Variants in PLCE1 observed in about 807,000 individuals in gnomAD.
PLCE1 encodes the protein 1-phosphatidylinositol 4,5-bisphosphate phosphodiesterase epsilon-1.
Under a neutral mutation model 242.8 loss-of-function variants are expected in PLCE1, and 119 were observed. The ratio of observed to expected loss-of-function variants is 0.49; its 90% CI spans 0.42 to 0.57. The LOEUF is 0.57. Among genes scored for constraint, PLCE1 ranks in the 20% least tolerant of loss-of-function variants. The probability of loss-of-function intolerance (pLI) is 0.00; values close to 1 mark genes in which losing one functional copy is unlikely to be tolerated. For synonymous variants in PLCE1, 945 were observed against 1,017.4 expected, an observed-to-expected ratio of 0.93 and a Z score of 1.35; for missense variants, 2,441 against 2,788.8, an observed-to-expected ratio of 0.88 and a Z score of 2.81.
intron 27 of PLCE1, among the ~76,000 whole-genome samples, chr10:94,312,868 G>C (rs1442489564): frequency 6.6e-6 from 1 of 152,182 alleles, no homozygotes; most frequent in African/African-American, 2.4e-5. Flanking sequence ...GTGCCTGAAT[G>C]ATGTACTCTC....
intron 2 of PLCE1, among the ~76,000 whole-genome samples, chr10:94,033,209 G>A (rs1052412845): frequency 3.3e-5 from 5 of 151,986 alleles, no homozygotes; most frequent in Non-Finnish European, 4.4e-5. Flanking sequence ...CTGAGCTATT[G>A]AGGGATAATT....
At chr10:94,264,059 A>G (rs2051413414) in intron 14 of PLCE1, among the ~76,000 whole-genome samples, 2 of 152,214 alleles carry the variant, frequency 1.3e-5, no homozygotes, top group African/African-American at 2.4e-5. Context: ...CTGGTCCTCA[A>G]TGCAGCTTAC....
chr10:94,330,286 G>A lies in PLCE1; in HGVS notation c.*2343G>A, dbSNP rs1243524477. ...TGAGAGAATCCAGCCTACTGCCTAG[G>A]TTGCATCCCAATTTAGTTGTTTATC... On this transcript the variant is annotated 3_prime_UTR_variant, in exon 33 of 33. Coordinates refer to ENST00000371380, the MANE Select transcript of PLCE1 (RefSeq NM_016341.4). The A allele has an allele frequency of 1.3e-5, 2 of 152,178 alleles. No individual in the cohort carries two copies. The highest frequency in any genetic ancestry group is 3.9e-4 in the East Asian group (2 of 5,192). 9.4% of individuals were successfully genotyped at this position (152,178 alleles called of 1,614,324 possible). A position where few individuals can be genotyped will look rare whatever the true frequency, so the allele number is the denominator to read the frequency against.
At chr10:94,128,954 A>G (rs1452896637) in intron 2 of PLCE1, among the ~76,000 whole-genome samples, 1 of 152,198 alleles carries the variant, frequency 6.6e-6, no homozygotes, top group Non-Finnish European at 1.5e-5. Context: ...TATTCAGGAG[A>G]TGCTGGAACT....
At chr10:94,288,030 A>G (rs2052520717) in intron 22 of PLCE1, among the ~76,000 whole-genome samples, 1 of 152,074 alleles carries the variant, frequency 6.6e-6, no homozygotes, top group African/African-American at 2.4e-5. Context: ...GGTACCTCCT[A>G]GATACCCAGT....
At chr10:94,120,340 GGTT>G (rs2046263429) in intron 2 of PLCE1, among the ~76,000 whole-genome samples, 1 of 152,128 alleles carries the variant, frequency 6.6e-6, no homozygotes, top group Non-Finnish European at 1.5e-5. Flanking sequence ...GGTCTGTACT[GGTT>G]GTCTTAAACA....
At chr10:94,068,349 C>T (rs1468605507) in intron 2 of PLCE1, among the ~76,000 whole-genome samples, 1 of 152,048 alleles carries the variant, frequency 6.6e-6, no homozygotes, top group Non-Finnish European at 1.5e-5. Context: ...TATGCATCCT[C>T]GGATTCAAGC....
At position 94,220,376 on chromosome 10, in the gene PLCE1, TTATATATATATATA is replaced by T. The variant is rs59633337; in HGVS notation, c.1810-6900_1810-6887del. On this transcript the variant is annotated intron_variant, in intron 4 of 32. Coordinates refer to ENST00000371380, the MANE Select transcript of PLCE1 (RefSeq NM_016341.4). The stretch of plus-strand genomic sequence containing the variant: ...AATAAAAGCTTAAAAACTAAACATT[TTATATATATATATA>T]TATATATATATATATATATATATAT... Among the ~76,000 whole-genome samples the T allele has an allele frequency of 6.5e-3, 401 of 61,906 alleles. 9 individuals are homozygous for T. The highest frequency in any genetic ancestry group is 0.011 in the Middle Eastern group (1 of 92). 40.6% of individuals were successfully genotyped at this position (61,906 alleles called of 152,430 possible).
At chr10:94,291,049 C>A (rs1258802959) in intron 22 of PLCE1, among the ~76,000 whole-genome samples, 1 of 152,156 alleles carries the variant, frequency 6.6e-6, no homozygotes, top group African/African-American at 2.4e-5. Context: ...GACTGTACAT[C>A]GCTTGTCTAG....
chr10:94,235,752 T>C (rs753986344), intron 6 of PLCE1, 163 bp from the exon 7 acceptor site: 2 of 980,976 alleles, frequency 2.0e-6, no homozygotes, highest in Non-Finnish European at 1.2e-6. Flanking sequence ...TGATATTTCA[T>C]GTGGTGAAAT....
At chr10:94,064,446 G>T (rs1459189075) in intron 2 of PLCE1, among the ~76,000 whole-genome samples, 1 of 152,176 alleles carries the variant, frequency 6.6e-6, no homozygotes, top group Non-Finnish European at 1.5e-5. Context: ...GGAGGCTGAG[G>T]TGGGAGAATC....
chr10:93,994,623 A>T (rs1364526596), intron 1 of PLCE1, among the ~76,000 whole-genome samples: 6 of 152,210 alleles, frequency 3.9e-5, no homozygotes, highest in African/African-American at 9.6e-5. Flanking sequence ...TCCTGGAGAG[A>T]TTTGTGTACA....
chr10:94,312,975 A>C (rs1478931770), intron 27 of PLCE1, among the ~76,000 whole-genome samples: 1 of 66,012 alleles, frequency 1.5e-5, no homozygotes, highest in East Asian at 2.9e-4. Context: ...TCAGTTAATG[A>C]GTAAGAACTA....
intron 1 of PLCE1, among the ~76,000 whole-genome samples, chr10:93,999,065 A>G (rs561772240): frequency 6.6e-6 from 1 of 152,188 alleles, no homozygotes; most frequent in Non-Finnish European, 1.5e-5. Flanking sequence ...AGGGTGGCAC[A>G]TTGGTATTAT....
intron 1 of PLCE1, among the ~76,000 whole-genome samples, chr10:94,017,767 A>T (rs923986947): frequency 6.6e-6 from 1 of 152,210 alleles, no homozygotes. Flanking sequence ...CTGGAGAGTT[A>T]TTTAGTCTGG....
chr10:94,247,114 G>GA (rs398014491), intron 8 of PLCE1, among the ~76,000 whole-genome samples: 1,872 of 100,342 alleles, frequency 0.019, 68 homozygotes, highest in African/African-American at 0.057. Context: ...TCTGTCTCAG[G>GA]AAAAAAAAAA....
chr10:94,183,131 G>T (rs946606203), intron 4 of PLCE1, among the ~76,000 whole-genome samples: 4 of 152,164 alleles, frequency 2.6e-5, no homozygotes, highest in Non-Finnish European at 4.4e-5. Flanking sequence ...CTATTAGGAT[G>T]TTTAATTCTG....
At position 94,031,759 on chromosome 10, in the gene PLCE1, T is replaced by C. The variant is rs1304398531; in HGVS notation, c.713T>C (p.Met238Thr). ...KNYVAYTCKL[M>T]ELAKNCDNKN... ...TATGTGGCATATACCTGTAAACTGA[T>C]GGAATTGGCCAAAAATTGTGATAAT... is the stretch of plus-strand genomic sequence containing the variant. The change falls in exon 2 of 33, where the codon ATG becomes ACG. Residue 238 changes from methionine (M) to threonine (T), a missense_variant. Coordinates refer to ENST00000371380, the MANE Select transcript of PLCE1 (RefSeq NM_016341.4). The C allele has an allele frequency of 3.1e-6, 5 of 1,613,770 alleles. No homozygotes were observed. The East Asian group carries it at 8.9e-5, about 29-fold the overall frequency.
rs755331165 is a variant in PLCE1 at position 94,298,520 on chromosome 10, G to A, written c.5309G>A (p.Arg1770His). Residue 1770 changes from arginine to histidine, a missense_variant, in exon 24 of 33, where the codon CGC becomes CAC. This residue lies in a region of PLCE1 where 1,004 missense variants were observed against 1,322.7 expected (regional missense o/e 0.76). Coordinates refer to ENST00000371380, the MANE Select transcript of PLCE1 (RefSeq NM_016341.4). The surrounding 1 kb of genome is among the most constrained non-coding windows in gnomAD (Gnocchi z 5.2). ...LNENAAKRLCRRYSQKLTQHT... is the reference protein window; with the variant it reads ...LNENAAKRLCHRYSQKLTQHT... ...GAAAATGCCGCCAAACGTCTGTGTC[G>A]CAGGTATTCTCAGAAACTGACCCAG... 1.5e-5 allele frequency: 24 copies of A among 1,613,918 alleles called. No homozygotes were observed. The highest frequency in any genetic ancestry group is 1.7e-5 in the Non-Finnish European group (20 of 1,179,994).
Sources: gnomAD v4.1 joint callset for allele counts (sites outside exome capture counted in the v4.1 genomes callset) on GRCh38, gnomAD v4.1.1 for gene constraint, gnomAD v4.1.1 regional missense constraint, Gnocchi (gnomAD v3.1) non-coding constraint, MANE v1.5 for transcripts, NCBI Gene and HGNC (gene_info 2026-07-23, HGNC 2026-07-21) for gene names.